SNX13: variants seen among roughly 807,000 people sequenced by gnomAD.
SNX13 encodes sorting nexin-13.
Under a neutral mutation model 133.6 loss-of-function variants are expected in SNX13, and 45 were observed. The ratio of observed to expected loss-of-function variants is 0.34; its 90% CI spans 0.27 to 0.43. The LOEUF (loss-of-function observed/expected upper bound fraction) is 0.43, where lower values mean the gene tolerates loss of function less well. Ranked by LOEUF, SNX13 falls within the 20% of genes least tolerant of loss-of-function variation. The pLI is 1.00. For synonymous variants in SNX13, 414 were observed against 373.9 expected, an observed-to-expected ratio of 1.11 and a Z score of -1.24; for missense variants, 1,032 against 1,145.1, an observed-to-expected ratio of 0.90 and a Z score of 1.43.
At chr7:17,928,863 C>G (rs993268407) in intron 1 of SNX13, among the ~76,000 whole-genome samples, 1 of 152,052 alleles carries the variant, frequency 6.6e-6, no homozygotes, top group African/African-American at 2.4e-5. Flanking sequence ...AAGATGATGT[C>G]TTTTCAATCA....
At position 17,885,919 on chromosome 7, in the gene SNX13, T is replaced by C. The variant is rs574159570; in HGVS notation, c.440+4444A>G. On this transcript the variant is annotated intron_variant, in intron 5 of 25. Coordinates refer to ENST00000428135, the MANE Select transcript of SNX13 (RefSeq NM_015132.5). ...TAAATTAGTTTCTAATTGTTTTTGC[T>C]GTACTGTAATAAATATAATAACTGT... Among the ~76,000 whole-genome samples, 12 of 152,340 alleles carry C rather than the reference T, an allele frequency of 7.9e-5. No individual in the cohort carries two copies. The East Asian group carries it at 1.5e-3, about 20-fold the overall frequency.
At chr7:17,909,612 C>CA (rs1387190631) in intron 1 of SNX13, among the ~76,000 whole-genome samples, 1 of 152,130 alleles carries the variant, frequency 6.6e-6, no homozygotes, top group Non-Finnish European at 1.5e-5. Flanking sequence ...AATGCAGGAA[C>CA]AAAAAAACCG....
chr7:17,916,277 C>A (rs182002141), intron 1 of SNX13, among the ~76,000 whole-genome samples: 74 of 152,132 alleles, frequency 4.9e-4, no homozygotes, highest in South Asian at 4.1e-4. Flanking sequence ...AGAATAAACT[C>A]ATAAACTAGA....
intron 1 of SNX13, among the ~76,000 whole-genome samples, chr7:17,902,242 GTTTTT>G (rs71010277): frequency 8.0e-4 from 96 of 120,332 alleles, no homozygotes; most frequent in South Asian, 5.8e-3. Flanking sequence ...TACTGTCATG[GTTTTT>G]TTTTTTTTTT....
chr7:17,881,339 A>AACAC (rs149379873), intron 5 of SNX13: 2 of 150,242 alleles, frequency 1.3e-5, no homozygotes, highest in African/African-American at 2.4e-5. Flanking sequence ...CACATACACA[A>AACAC]ACACACACAC....
chr7:17,819,723 C>T (rs11978294), intron 18 of SNX13, among the ~76,000 whole-genome samples: 2 of 152,020 alleles, frequency 1.3e-5, no homozygotes, highest in East Asian at 3.9e-4. Context: ...ATAGATAAGG[C>T]TGAGCTAAAA....
chr7:17,897,280 C>A, intron 2 of SNX13, 54 bp downstream of exon 2: 2 of 960,570 alleles, frequency 2.1e-6, no homozygotes, highest in Non-Finnish European at 1.4e-6. Flanking sequence ...CATTTGTTTC[C>A]ATTTTAACAA....
At chr7:17,832,251 A>G in intron 15 of SNX13, 1 of 984,594 alleles carries the variant, frequency 1.0e-6, no homozygotes, top group Non-Finnish European at 1.2e-6. Flanking sequence ...GACTGCTTAT[A>G]GTTTGCTTCC....
At chr7:17,860,191 G>T (rs950527853) in intron 9 of SNX13, among the ~76,000 whole-genome samples, 4 of 151,952 alleles carry the variant, frequency 2.6e-5, no homozygotes, top group African/African-American at 9.7e-5. Context: ...CCAAATGGTT[G>T]TAAGATAATT....
At chr7:17,828,652 T>C (rs1788159910) in intron 16 of SNX13, among the ~76,000 whole-genome samples, 1 of 151,626 alleles carries the variant, frequency 6.6e-6, no homozygotes, top group Admixed American at 6.6e-5. Flanking sequence ...GAAGTATGAA[T>C]TAAATAGATT....
At chr7:17,857,808 C>T (rs896791846) in intron 9 of SNX13, among the ~76,000 whole-genome samples, 1 of 151,990 alleles carries the variant, frequency 6.6e-6, no homozygotes, top group Non-Finnish European at 1.5e-5. Flanking sequence ...TTCAACAACA[C>T]ATTAAAAAGA....
At chr7:17,913,609 A>G (rs1799228819) in intron 1 of SNX13, among the ~76,000 whole-genome samples, 1 of 152,130 alleles carries the variant, frequency 6.6e-6, no homozygotes, top group African/African-American at 2.4e-5. Context: ...TTTATCTGCA[A>G]CCAAGGAACC....
At chr7:17,878,027 A>G (rs992022311) in intron 5 of SNX13, among the ~76,000 whole-genome samples, 3 of 152,108 alleles carry the variant, frequency 2.0e-5, no homozygotes, top group Admixed American at 1.3e-4. Flanking sequence ...ATGACAGTGA[A>G]GTACTTTCTA....
chr7:17,815,048 T>TA, intron 19 of SNX13, 104 bp from the exon 20 acceptor site: 2 of 1,189,360 alleles, frequency 1.7e-6, no homozygotes, highest in Non-Finnish European at 2.2e-6. Context: ...GAATGTATAG[T>TA]AAAAAATATT....
At chr7:17,930,291 G>T (rs1211770205) in intron 1 of SNX13, among the ~76,000 whole-genome samples, 1 of 152,102 alleles carries the variant, frequency 6.6e-6, no homozygotes, top group Non-Finnish European at 1.5e-5. Flanking sequence ...CCTTTCCAAG[G>T]TCAAAATGCT....
chr7:17,910,981 A>G lies in SNX13; in HGVS notation c.13-13535T>C, dbSNP rs117648985. ...TAATTAGAGGTGGTGGTTGCATACCATGGTGAATGAACTCAATACCAATGA... is the reference window on the plus strand; with the variant it reads ...TAATTAGAGGTGGTGGTTGCATACCGTGGTGAATGAACTCAATACCAATGA... On this transcript the variant is annotated intron_variant, in intron 1 of 25. Transcript: ENST00000428135. Among the ~76,000 whole-genome samples, 1,514 of 152,318 alleles carry G rather than the reference A, an allele frequency of 9.9e-3. 15 individuals carry two copies. Among genetic ancestry groups the G allele is most frequent in the Non-Finnish European group, 0.016 (1,116 of 68,032 alleles).
chr7:17,792,649 A>G lies in SNX13; in HGVS notation c.*1396T>C, dbSNP rs1271072527. The G allele has an allele frequency of 3.3e-5, 5 of 152,342 alleles. No individual in the cohort carries two copies. The highest frequency in any genetic ancestry group is 5.9e-5 in the Non-Finnish European group (4 of 67,870). The allele number at this position is 152,342 out of a possible 1,614,324, so 9.4% of individuals were successfully genotyped here. A position where few individuals can be genotyped will look rare whatever the true frequency, so the allele number is the denominator to read the frequency against. ...ACCAGGATCTTGGCTCAGTGGTCTG[A>G]TAAGTAGCTTCATTATTTTAAGGTT... On this transcript the variant is annotated 3_prime_UTR_variant, in exon 26 of 26. Transcript: ENST00000428135.
intron 4 of SNX13, 58 bp from the exon 5 acceptor site, chr7:17,890,542 T>G (rs1796514321): frequency 1.5e-6 from 2 of 1,353,020 alleles, no homozygotes; most frequent in Non-Finnish European, 1.0e-6. Flanking sequence ...AAAGTTACAG[T>G]GGTAAACTAA....
chr7:17,869,539 T>A (rs1446305586), intron 8 of SNX13, among the ~76,000 whole-genome samples: 1 of 152,130 alleles, frequency 6.6e-6, no homozygotes, highest in Non-Finnish European at 1.5e-5. Context: ...GATGTATAAT[T>A]TTTCTAAGTA....
Sources: gnomAD v4.1 joint callset for allele counts (sites outside exome capture counted in the v4.1 genomes callset) on GRCh38, gnomAD v4.1.1 for gene constraint, MANE v1.5 for transcripts, NCBI Gene and HGNC (gene_info 2026-07-23, HGNC 2026-07-21) for gene names.